SAMD12: variants seen among roughly 807,000 people sequenced by gnomAD.
SAMD12 encodes sterile alpha motif domain containing 12.
A neutral mutation model predicts 15.0 loss-of-function variants in SAMD12; 9 were observed. The ratio of observed to expected loss-of-function variants is 0.60; its 90% CI spans 0.36 to 1.05. The LOEUF (loss-of-function observed/expected upper bound fraction) is 1.05, where lower values mean the gene tolerates loss of function less well. Ranked by LOEUF, SAMD12 falls within the 50% of genes least tolerant of loss-of-function variation. SAMD12 has a pLI of 0.01. For missense variants in SAMD12, 230 were observed against 234.2 expected (o/e 0.98, Z 0.12); for synonymous variants, 86 against 90.1 (o/e 0.96, Z 0.25).
chr8:118,236,940 A>G (rs1372760378), intron 4 of SAMD12, among the ~76,000 whole-genome samples: 1 of 152,106 alleles, frequency 6.6e-6, no homozygotes, highest in Non-Finnish European at 1.5e-5. Context: ...GAAGGGACAT[A>G]GTTTGTGCTT....
chr8:118,601,392 T>C (rs1036207081), intron 1 of SAMD12, among the ~76,000 whole-genome samples: 2 of 152,194 alleles, frequency 1.3e-5, no homozygotes, highest in African/African-American at 4.8e-5. Context: ...CTTAAAACAA[T>C]AAATTATTTT....
intron 3 of SAMD12, among the ~76,000 whole-genome samples, chr8:118,400,901 A>G (rs1820837017): frequency 6.6e-6 from 1 of 152,256 alleles, no homozygotes; most frequent in Non-Finnish European, 1.5e-5. Context: ...TATTGCTATC[A>G]TAACATCAAC....
At chr8:118,412,931 A>T (rs892663545) in intron 3 of SAMD12, among the ~76,000 whole-genome samples, 3 of 152,116 alleles carry the variant, frequency 2.0e-5, no homozygotes, top group Non-Finnish European at 2.9e-5. Context: ...TGGCCAATGG[A>T]ATGCTAGCAA....
chr8:118,241,218 C>T (rs1812554797), intron 4 of SAMD12, among the ~76,000 whole-genome samples: 1 of 152,168 alleles, frequency 6.6e-6, no homozygotes, highest in Non-Finnish European at 1.5e-5. Flanking sequence ...TCCCATTCTT[C>T]ATACTCAAGT....
At chr8:118,263,951 T>A (rs1255044416) in intron 4 of SAMD12, among the ~76,000 whole-genome samples, 2 of 152,146 alleles carry the variant, frequency 1.3e-5, no homozygotes, top group South Asian at 2.1e-4. Flanking sequence ...ATGGTTTTCA[T>A]CATGCAATTT....
chr8:118,405,933 C>G (rs1393394824), intron 3 of SAMD12, among the ~76,000 whole-genome samples: 4 of 152,038 alleles, frequency 2.6e-5, no homozygotes, highest in African/African-American at 9.7e-5. Flanking sequence ...AAACAGATAA[C>G]AAGAAAAATA....
Position 118,415,448 on chromosome 8 carries a change from G to GGTGTGTGTGTGTGT in SAMD12, c.322+24370_322+24383dup, listed in dbSNP as rs58176749. 5.8e-3 allele frequency among the ~76,000 whole-genome samples: 833 copies of GGTGTGTGTGTGTGT among 142,932 alleles called. 4 individuals are homozygous for GGTGTGTGTGTGTGT. Among genetic ancestry groups the GGTGTGTGTGTGTGT allele is most frequent in the Admixed American group, 7.5e-3 (107 of 14,216 alleles). 93.8% of individuals were successfully genotyped at this position (142,932 alleles called of 152,430 possible). ...AAGTAAATAAATAACCTTGTCCTAA[G>GGTGTGTGTGTGTGT]GTGTGTGTGTGTGTGTGTGTGTGTG... On this transcript the variant is annotated intron_variant, in intron 3 of 3. Coordinates refer to ENST00000314727, the MANE Select transcript of SAMD12 (RefSeq NM_207506.3).
chr8:118,557,879 A>G lies in SAMD12; in HGVS notation c.192+22836T>C, dbSNP rs145487973. Among the ~76,000 whole-genome samples the G allele has an allele frequency of 6.8e-4, 103 of 152,272 alleles. 1 individual carries two copies. The East Asian group carries it at 0.019, about 27-fold the overall frequency. On this transcript the variant is annotated intron_variant, in intron 2 of 3. Coordinates refer to ENST00000314727, the MANE Select transcript of SAMD12 (RefSeq NM_207506.3). ...TTTCTACCTTTTTAAGCTTAGCATA[A>G]ATATAATGTTTCATATATTATTCTA...
At chr8:118,176,823 T>C in the SAMD12 span, among the ~76,000 whole-genome samples, 1 of 152,154 alleles carries the variant, frequency 6.6e-6, no homozygotes, top group African/African-American at 2.4e-5. Context: ...AAAACCACTA[T>C]TGTAGTATAT....
chr8:118,528,005 G>A (rs1825576471), intron 2 of SAMD12, among the ~76,000 whole-genome samples: 1 of 149,510 alleles, frequency 6.7e-6, no homozygotes, highest in African/African-American at 2.5e-5. Flanking sequence ...TTGGCCTACA[G>A]TTTTTGTTCT....
In SAMD12 at chr8:118,293,138, G is replaced by C. The variant is rs561058647; in HGVS notation, c.433+86422C>G. On this transcript the variant is annotated intron_variant, in intron 4 of 4. Coordinates refer to the SAMD12 transcript ENST00000409003. Reference sequence around the variant, plus strand: ...TTTCTTATGCTGTGTTTGAAGCTCAGAAACATTAAGCAACATCTCTAAGAC... The same window carrying C: ...TTTCTTATGCTGTGTTTGAAGCTCACAAACATTAAGCAACATCTCTAAGAC... Among the ~76,000 whole-genome samples, 3 of 151,958 alleles carry C rather than the reference G, an allele frequency of 2.0e-5. No individual in the cohort carries two copies. The East Asian group carries it at 5.8e-4, about 29-fold the overall frequency.
chr8:118,605,215 C>T (rs1216495263), intron 1 of SAMD12, among the ~76,000 whole-genome samples: 1 of 152,182 alleles, frequency 6.6e-6, no homozygotes, highest in East Asian at 1.9e-4. Context: ...GATACCTTTT[C>T]AAACTTGGAC....
rs1227180391 is a variant in SAMD12, at chr8:118,532,645, T to C, written c.192+48070A>G. 4.6e-5 allele frequency among the ~76,000 whole-genome samples: 7 copies of C among 152,270 alleles called. No homozygotes were observed. In the South Asian group the frequency reaches 6.2e-4, roughly 14 times the overall value. On this transcript the variant is annotated intron_variant, in intron 2 of 3. Transcript: ENST00000314727. ...GTTATTGGTCTATTCAGAGATTCAA[T>C]TTCTTCCTGGTTTAGTCTTGGGAGG...
chr8:118,389,041 C>G (rs1277578070), intron 3 of SAMD12, among the ~76,000 whole-genome samples: 3 of 152,152 alleles, frequency 2.0e-5, no homozygotes, highest in Non-Finnish European at 2.9e-5. Flanking sequence ...GTACCACTTG[C>G]ACCAAGAGAA....
intron 4 of SAMD12, among the ~76,000 whole-genome samples, chr8:118,248,635 T>G (rs1028152860): frequency 6.6e-6 from 1 of 151,800 alleles, no homozygotes; most frequent in African/African-American, 2.4e-5. Flanking sequence ...AGATGACTTT[T>G]TTTTTTATAC....
chr8:118,190,884 A>G (rs1268045706), exon 5 of SAMD12: 1 of 152,158 alleles, frequency 6.6e-6, no homozygotes, highest in Non-Finnish European at 1.5e-5. Context: ...AGCAGTGTCA[A>G]TCTCCACAAA....
At chr8:118,309,758 C>T (rs778355017) in intron 4 of SAMD12, among the ~76,000 whole-genome samples, 2 of 152,186 alleles carry the variant, frequency 1.3e-5, no homozygotes, top group Middle Eastern at 3.2e-3. Context: ...ATGAAGGCCT[C>T]CCTTACCATC....
At chr8:118,405,660 G>T (rs897029603) in intron 3 of SAMD12, among the ~76,000 whole-genome samples, 2 of 151,774 alleles carry the variant, frequency 1.3e-5, no homozygotes, top group African/African-American at 4.9e-5. Flanking sequence ...CTATTTATAA[G>T]TTATACCAGA....
intron 4 of SAMD12, among the ~76,000 whole-genome samples, chr8:118,220,042 ACT>A (rs1812050923): frequency 6.6e-6 from 1 of 152,106 alleles, no homozygotes; most frequent in Admixed American, 6.5e-5. Context: ...AGTACGTATT[ACT>A]CTTGTTAAAG....
Sources: gnomAD v4.1 joint callset for allele counts (sites outside exome capture counted in the v4.1 genomes callset) on GRCh38, gnomAD v4.1.1 for gene constraint, MANE v1.5 for transcripts, NCBI Gene and HGNC (gene_info 2026-07-23, HGNC 2026-07-21) for gene names.